ABCB1: variants seen among roughly 807,000 people sequenced by gnomAD.
The protein encoded by ABCB1 is ATP binding cassette subfamily B member 1.
A neutral mutation model predicts 142.0 loss-of-function variants in ABCB1; 69 were observed. The observed-to-expected ratio is 0.49, with a 90% CI of 0.40 to 0.59. The LOEUF (loss-of-function observed/expected upper bound fraction) is 0.59, where lower values mean the gene tolerates loss of function less well. Among genes scored for constraint, ABCB1 ranks in the 20% least tolerant of loss-of-function variants. The pLI, the probability that ABCB1 is intolerant of heterozygous loss-of-function variation, is 0.00. For missense variants in ABCB1, 1,326 were observed against 1,554.7 expected (o/e 0.85, Z 2.47); for synonymous variants, 532 against 539.2 (o/e 0.99, Z 0.18).
At chr7:87,697,259 G>C (rs189237875) in intron 1 of ABCB1, among the ~76,000 whole-genome samples, 1 of 152,148 alleles carries the variant, frequency 6.6e-6, no homozygotes, top group East Asian at 1.9e-4. Flanking sequence ...ATTTTCCCTT[G>C]CCTATTTCTC....
At chr7:87,549,739 C>T in intron 13 of ABCB1, 112 bp downstream of exon 13, 1 of 1,406,602 alleles carries the variant, frequency 7.1e-7, no homozygotes, top group Non-Finnish European at 1.0e-6. Flanking sequence ...CTTACTTTCC[C>T]TTCTTAGGAT....
chr7:87,570,963 A>ACC (rs1818025262), intron 4 of ABCB1, among the ~76,000 whole-genome samples: 1 of 152,148 alleles, frequency 6.6e-6, no homozygotes, highest in Non-Finnish European at 1.5e-5. Context: ...CTATTTTTTC[A>ACC]ATGTTGCAAC....
intron 2 of ABCB1, among the ~76,000 whole-genome samples, chr7:87,599,714 A>C (rs1819365920): frequency 6.6e-6 from 1 of 152,232 alleles, no homozygotes; most frequent in Non-Finnish European, 1.5e-5. Context: ...GACTACAGTT[A>C]GCAATATATT....
chr7:87,585,153 G>A (rs1203371179), intron 4 of ABCB1, among the ~76,000 whole-genome samples: 2 of 152,026 alleles, frequency 1.3e-5, no homozygotes, highest in African/African-American at 4.8e-5. Context: ...AATCATCCCC[G>A]ACTTTTCGTC....
chr7:87,537,146 T>C (rs1816332677), intron 19 of ABCB1: 1 of 154,960 alleles, frequency 6.5e-6, no homozygotes, highest in Admixed American at 6.3e-5. Context: ...CAGATTTGTG[T>C]TCTGATTTGG....
chr7:87,650,918 T>A, intron 1 of ABCB1: 2 of 1,606,024 alleles, frequency 1.2e-6, no homozygotes, highest in Non-Finnish European at 1.7e-6. Flanking sequence ...TGGAACAGAT[T>A]TTAAGCCACC....
chr7:87,690,210 CTTA>C (rs994516474), intron 1 of ABCB1, among the ~76,000 whole-genome samples: 3 of 151,920 alleles, frequency 2.0e-5, no homozygotes, highest in Non-Finnish European at 2.9e-5. Context: ...TTTTATTACT[CTTA>C]TTATCCATAA....
At chr7:87,539,161 T>C (rs915673200) in intron 19 of ABCB1, 107 bp downstream of exon 19, 1 of 1,194,088 alleles carries the variant, frequency 8.4e-7, no homozygotes, top group Non-Finnish European at 1.2e-6. Flanking sequence ...GGACAACCAA[T>C]ATAGGAGCTA....
chr7:87,561,149 A>G, intron 8 of ABCB1, 114 bp downstream of exon 8: 2 of 1,256,600 alleles, frequency 1.6e-6, no homozygotes, highest in South Asian at 2.8e-5. Context: ...CCATTAAGCT[A>G]TTTAAGAAAA....
In ABCB1 at chr7:87,595,907, T is replaced by A. The variant is rs2235073; in HGVS notation, c.69-93A>T. The A allele has an allele frequency of 4.1e-6, 4 of 968,968 alleles. No homozygotes were observed. In the African/African-American group the frequency reaches 6.6e-5, roughly 16 times the overall value. The allele number at this position is 968,968 out of a possible 1,614,324, so 60.0% of individuals were successfully genotyped here. On this transcript the variant is annotated intron_variant, in intron 2 of 27. Coordinates refer to ENST00000622132, the MANE Select transcript of ABCB1 (RefSeq NM_001348946.2). ...CATAGAATGTATATTTAATGACTAATAGGAAGAAGAAATATGTCTATATTA... is the reference window on the plus strand; with the variant it reads ...CATAGAATGTATATTTAATGACTAAAAGGAAGAAGAAATATGTCTATATTA...
chr7:87,540,729 C>T (rs1485608349), intron 18 of ABCB1, among the ~76,000 whole-genome samples: 3 of 152,192 alleles, frequency 2.0e-5, no homozygotes, highest in Non-Finnish European at 4.4e-5. Flanking sequence ...GGATTACAGG[C>T]ATAAGCCACC....
intron 20 of ABCB1, among the ~76,000 whole-genome samples, chr7:87,534,367 G>A (rs941897957): frequency 6.6e-6 from 1 of 152,140 alleles, no homozygotes; most frequent in Admixed American, 6.5e-5. Flanking sequence ...AATGCTCACT[G>A]TCTCATGTAT....
At chr7:87,592,244 G>A (rs1035072275) in intron 3 of ABCB1, among the ~76,000 whole-genome samples, 5 of 152,190 alleles carry the variant, frequency 3.3e-5, no homozygotes, top group African/African-American at 1.2e-4. Context: ...AAGAGAATGA[G>A]TGGTAATAAT....
chr7:87,682,698 C>T (rs2130597817), intron 1 of ABCB1, among the ~76,000 whole-genome samples: 1 of 152,262 alleles, frequency 6.6e-6, no homozygotes, highest in South Asian at 2.1e-4. Context: ...GAGCTGTCAT[C>T]CAGGCTTTGT....
intron 1 of ABCB1, among the ~76,000 whole-genome samples, chr7:87,610,692 C>A (rs191677426): frequency 3.3e-5 from 5 of 152,290 alleles, no homozygotes; most frequent in Admixed American, 3.3e-4. Context: ...TCTCCATCAT[C>A]TTTGTTACTG....
rs544152627 is a variant in ABCB1 at position 87,584,222 on chromosome 7, G to C, written c.286+1290C>G. Among the ~76,000 whole-genome samples the C allele has an allele frequency of 9.9e-5, 15 of 152,148 alleles. 1 individual carries two copies. The South Asian group carries it at 2.9e-3, about 29-fold the overall frequency. ...ATGTACTTTTTAGGGTCATGAAGTG[G>C]TTCTGAGGACCCACTGACAAGTATC... On this transcript the variant is annotated intron_variant, in intron 4 of 27. Coordinates refer to ENST00000622132, the MANE Select transcript of ABCB1 (RefSeq NM_001348946.2).
chr7:87,539,487 T>A, intron 18 of ABCB1, 142 bp from the exon 19 acceptor site: 1 of 875,298 alleles, frequency 1.1e-6, no homozygotes. Flanking sequence ...TGTGACTGTG[T>A]GCCATGGCAC....
At chr7:87,629,017 T>C (rs2130166935) in intron 1 of ABCB1, 3 of 1,259,232 alleles carry the variant, frequency 2.4e-6, no homozygotes, top group Non-Finnish European at 3.0e-6. Flanking sequence ...GCGCGGGTCC[T>C]TGGGGGTCCC....
At chr7:87,648,857 G>T (rs1823288165) in intron 1 of ABCB1, among the ~76,000 whole-genome samples, 1 of 151,904 alleles carries the variant, frequency 6.6e-6, no homozygotes, top group African/African-American at 2.4e-5. Context: ...GCTGTGCTAA[G>T]TGAGGACTGC....
Sources: gnomAD v4.1 joint callset for allele counts (sites outside exome capture counted in the v4.1 genomes callset) on GRCh38, gnomAD v4.1.1 for gene constraint, MANE v1.5 for transcripts, NCBI Gene and HGNC (gene_info 2026-07-23, HGNC 2026-07-21) for gene names.